Variants in HMBOX1 observed in about 807,000 individuals in gnomAD.
HMBOX1 encodes homeobox-containing protein 1.
In HMBOX1, 14 loss-of-function variants were observed where a neutral mutation model predicts 54.5. That is an observed-to-expected ratio of 0.26 (90% CI 0.17 to 0.40). HMBOX1 has a LOEUF of 0.40. HMBOX1 is among the 10% of genes least tolerant of loss of function. The probability of loss-of-function intolerance (pLI) is 1.00; values close to 1 mark genes in which losing one functional copy is unlikely to be tolerated. For synonymous variants in HMBOX1, 160 were observed against 181.0 expected (o/e 0.88, Z 0.93); for missense variants, 332 against 514.4 (o/e 0.65, Z 3.43).
At chr8:28,995,003 TAAAC>T (rs1399288307) in intron 4 of HMBOX1, among the ~76,000 whole-genome samples, 1 of 151,926 alleles carries the variant, frequency 6.6e-6, no homozygotes, top group Non-Finnish European at 1.5e-5. Flanking sequence ...GACAATAAAA[TAAAC>T]AAAAATATAA....
At chr8:28,945,293 T>C (rs1407252425) in intron 1 of HMBOX1, among the ~76,000 whole-genome samples, 1 of 152,252 alleles carries the variant, frequency 6.6e-6, no homozygotes, top group African/African-American at 2.4e-5. Context: ...AAATGAGGGC[T>C]TAACAAGATT....
intron 1 of HMBOX1, among the ~76,000 whole-genome samples, chr8:28,909,968 T>A (rs1815095713): frequency 1.3e-5 from 2 of 152,212 alleles, no homozygotes; most frequent in South Asian, 4.1e-4. Context: ...CAGGTGATTC[T>A]CCTGCCTCAA....
chr8:28,995,868 C>A (rs186696035), intron 4 of HMBOX1, among the ~76,000 whole-genome samples: 3 of 152,010 alleles, frequency 2.0e-5, no homozygotes, highest in African/African-American at 7.3e-5. Context: ...TTTGGAAGGC[C>A]GCGGCGGGTG....
chr8:29,018,778 G>A lies in HMBOX1; in HGVS notation c.716G>A (p.Arg239Lys). Residue 239 changes from arginine to lysine, a missense_variant, in exon 6 of 10, where the codon AGA becomes AAA. By Grantham distance (26) the Arg-to-Lys change is conservative. This residue lies in a region of HMBOX1 where 117 missense variants were observed against 220.0 expected (regional missense o/e 0.53). Coordinates refer to ENST00000287701, the MANE Select transcript of HMBOX1 (RefSeq NM_001135726.3). ...ATTTCAGGCGCTACACTAAGTATGA[G>A]ACCAGCCCCCATTCCAATAGAGGAC... ...KTNPGATLSM[R>K]PAPIPIEDPE... 1.2e-6 allele frequency: 2 copies of A among 1,614,110 alleles called. No individual in the cohort carries two copies. Among genetic ancestry groups the A allele is most frequent in the South Asian group, 1.1e-5 (1 of 91,084 alleles).
chr8:28,986,078 G>A (rs545388692), intron 4 of HMBOX1, among the ~76,000 whole-genome samples: 1 of 152,182 alleles, frequency 6.6e-6, no homozygotes, highest in Non-Finnish European at 1.5e-5. Flanking sequence ...TGCTTTGCCT[G>A]TTCATCCCCT....
At chr8:29,026,531 A>T (rs1423972407) in intron 6 of HMBOX1, among the ~76,000 whole-genome samples, 1 of 152,164 alleles carries the variant, frequency 6.6e-6, no homozygotes, top group Non-Finnish European at 1.5e-5. Context: ...AATTATATCA[A>T]GCTGCTTTAA....
At chr8:29,038,553 G>A (rs1443960876) in intron 6 of HMBOX1, among the ~76,000 whole-genome samples, 1 of 152,114 alleles carries the variant, frequency 6.6e-6, no homozygotes, top group Non-Finnish European at 1.5e-5. Flanking sequence ...TTATCCACTT[G>A]GTAACAGAAA....
chr8:28,961,454 T>C (rs1449182789), intron 1 of HMBOX1, among the ~76,000 whole-genome samples: 1 of 152,232 alleles, frequency 6.6e-6, no homozygotes, highest in African/African-American at 2.4e-5. Flanking sequence ...TGGAATCATA[T>C]AATATTTGAC....
intron 1 of HMBOX1, among the ~76,000 whole-genome samples, chr8:28,918,807 G>A (rs1817038416): frequency 6.6e-6 from 1 of 152,026 alleles, no homozygotes; most frequent in Non-Finnish European, 1.5e-5. Context: ...TCATTTTCTG[G>A]AACATGAATA....
intron 1 of HMBOX1, chr8:28,891,725 A>C (rs1811018976): frequency 6.6e-6 from 1 of 151,786 alleles, no homozygotes; most frequent in Non-Finnish European, 1.5e-5. Context: ...TTTTTCTTCT[A>C]CTCCACCCTG....
At chr8:28,891,943 G>C (rs1347523492) in intron 1 of HMBOX1, among the ~76,000 whole-genome samples, 1 of 152,054 alleles carries the variant, frequency 6.6e-6, no homozygotes, top group Non-Finnish European at 1.5e-5. Context: ...TCATTTCTCT[G>C]GTATCCTGCA....
intron 3 of HMBOX1, among the ~76,000 whole-genome samples, chr8:28,973,106 T>C (rs1353636023): frequency 6.6e-6 from 1 of 152,174 alleles, no homozygotes; most frequent in African/African-American, 2.4e-5. Context: ...CCTGCTTTCC[T>C]CCATTGTGTC....
At chr8:29,022,864 A>G (rs2133056962) in intron 6 of HMBOX1, among the ~76,000 whole-genome samples, 1 of 127,834 alleles carries the variant, frequency 7.8e-6, no homozygotes, top group East Asian at 2.7e-4. Context: ...ATTTAAAATC[A>G]GGGAAAAAAT....
intron 6 of HMBOX1, among the ~76,000 whole-genome samples, chr8:29,030,669 G>A (rs935232368): frequency 5.9e-5 from 9 of 152,114 alleles, no homozygotes; most frequent in Non-Finnish European, 4.4e-5. Flanking sequence ...CTGTGGCTTT[G>A]GATAAGAAAT....
chr8:29,034,092 C>A (rs570556240), intron 6 of HMBOX1, among the ~76,000 whole-genome samples: 184 of 152,326 alleles, frequency 1.2e-3, no homozygotes, highest in African/African-American at 4.2e-3. Flanking sequence ...ACTAAACATT[C>A]ACAACATGTA....
At chr8:28,957,806 A>G (rs1325533318) in intron 1 of HMBOX1, among the ~76,000 whole-genome samples, 1 of 151,766 alleles carries the variant, frequency 6.6e-6, no homozygotes. Flanking sequence ...TATTTTTAGT[A>G]TAGACGAGGT....
rs552271517 is a variant in HMBOX1 at position 29,021,716 on chromosome 8, C to T, written c.851+2803C>T. On this transcript the variant is annotated intron_variant, in intron 6 of 9. Transcript: ENST00000287701. ...GAAAAATAGAAAAAAAAAAATTAGCCGGGCGTGGTGGCGGGCACCTGTAGT... is the reference window on the plus strand; with the variant it reads ...GAAAAATAGAAAAAAAAAAATTAGCTGGGCGTGGTGGCGGGCACCTGTAGT... 2.6e-5 allele frequency among the ~76,000 whole-genome samples: 4 copies of T among 151,696 alleles called. No individual in the cohort carries two copies. The East Asian group carries it at 7.8e-4, about 29-fold the overall frequency.
chr8:28,908,467 G>A (rs1239318050), intron 1 of HMBOX1, among the ~76,000 whole-genome samples: 1 of 152,032 alleles, frequency 6.6e-6, no homozygotes, highest in Non-Finnish European at 1.5e-5. Context: ...TAAAATATGG[G>A]TTATGGGCCA....
intron 1 of HMBOX1, among the ~76,000 whole-genome samples, chr8:28,936,868 AAGAT>A (rs1008272794): frequency 1.3e-5 from 2 of 151,852 alleles, no homozygotes; most frequent in African/African-American, 4.8e-5. Flanking sequence ...GGGGGCAAGA[AAGAT>A]TAAAAAAAAA....
Sources: allele counts gnomAD v4.1 joint callset (sites outside exome capture counted in the v4.1 genomes callset), GRCh38; gene constraint gnomAD v4.1.1; regional missense constraint gnomAD v4.1.1; transcripts MANE v1.5; gene names NCBI Gene and HGNC (gene_info 2026-07-23, HGNC 2026-07-21).